F13A1: variants seen among roughly 807,000 people sequenced by gnomAD.
F13A1 encodes FSF, A subunit.
F13A1 carries 47 observed loss-of-function variants against 80.1 expected under a neutral mutation model. The ratio of observed to expected loss-of-function variants is 0.59; its 90% confidence interval spans 0.46 to 0.75. The LOEUF is 0.75. Ranked by LOEUF, F13A1 falls within the 30% of genes least tolerant of loss-of-function variation. F13A1 has a pLI of 0.00. For missense variants in F13A1, 817 were observed against 930.4 expected, an observed-to-expected ratio of 0.88 and a Z score of 1.59; for synonymous variants, 349 against 344.9, an observed-to-expected ratio of 1.01 and a Z score of -0.13.
chr6:6,156,382 A>G lies in F13A1; in HGVS notation c.1909-4433T>C, dbSNP rs141887597. On this transcript the variant is annotated intron_variant, in intron 13 of 14. Transcript: ENST00000264870. ...AATCACAAGATATCTTCCACTAAGC[A>G]TATGCTTTAAAAATACATAACTGTA... Among the ~76,000 whole-genome samples the G allele has an allele frequency of 3.2e-3, 491 of 152,340 alleles. 5 individuals carry two copies. Among genetic ancestry groups the G allele is most frequent in the African/African-American group, 0.011 (463 of 41,584 alleles).
At chr6:6,267,071 G>A (rs3024358) in intron 3 of F13A1, among the ~76,000 whole-genome samples, 1 of 152,046 alleles carries the variant, frequency 6.6e-6, no homozygotes, top group Admixed American at 6.5e-5. Context: ...GTGCTCCATT[G>A]TAACCTCCCT....
intron 4 of F13A1, among the ~76,000 whole-genome samples, chr6:6,251,983 G>T (rs1757639026): frequency 6.6e-6 from 1 of 151,994 alleles, no homozygotes. Context: ...AAAAAAAAAT[G>T]CCACTTGGAG....
At chr6:6,234,385 G>T (rs1432419905) in intron 6 of F13A1, among the ~76,000 whole-genome samples, 1 of 151,856 alleles carries the variant, frequency 6.6e-6, no homozygotes, top group Non-Finnish European at 1.5e-5. Context: ...CAGGGAATAT[G>T]GTACCTATCA....
At chr6:6,170,296 T>G (rs1051660511) in intron 12 of F13A1, among the ~76,000 whole-genome samples, 7 of 152,238 alleles carry the variant, frequency 4.6e-5, no homozygotes, top group African/African-American at 1.7e-4. Context: ...CAGAGGCTCT[T>G]GCTACCTTTA....
intron 8 of F13A1, among the ~76,000 whole-genome samples, chr6:6,198,201 C>T (rs1026287823): frequency 6.6e-6 from 1 of 152,110 alleles, no homozygotes; most frequent in South Asian, 2.1e-4. Flanking sequence ...CTCTCTTTAC[C>T]CTTTATTAAA....
chr6:6,231,598 A>G (rs1193721493), intron 6 of F13A1, among the ~76,000 whole-genome samples: 3 of 152,250 alleles, frequency 2.0e-5, no homozygotes, highest in African/African-American at 7.2e-5. Flanking sequence ...TTCATTGCAG[A>G]AAGATCTTTG....
chr6:6,202,050 A>G (rs1761404802), intron 8 of F13A1, among the ~76,000 whole-genome samples: 1 of 151,764 alleles, frequency 6.6e-6, no homozygotes. Flanking sequence ...TTGCAGGATA[A>G]TTAAGTTAAT....
chr6:6,319,297 G>A (rs1758734852), intron 1 of F13A1, among the ~76,000 whole-genome samples: 1 of 152,198 alleles, frequency 6.6e-6, no homozygotes, highest in African/African-American at 2.4e-5. Context: ...AGCCCAAGAA[G>A]AGCCATAAGT....
intron 6 of F13A1, among the ~76,000 whole-genome samples, chr6:6,227,972 T>C (rs1268139814): frequency 1.3e-5 from 2 of 152,206 alleles, no homozygotes; most frequent in Non-Finnish European, 2.9e-5. Context: ...GGTAAGTTTT[T>C]AGTGACAGAT....
chr6:6,151,707 A>C, intron 14 of F13A1, 106 bp downstream of exon 14: 1 of 1,524,130 alleles, frequency 6.6e-7, no homozygotes, highest in Non-Finnish European at 9.1e-7. Flanking sequence ...GGCAGCTTCC[A>C]AGACATTTTC....
intron 4 of F13A1, among the ~76,000 whole-genome samples, chr6:6,252,794 C>G (rs1296674158): frequency 1.3e-5 from 2 of 152,084 alleles, no homozygotes; most frequent in Non-Finnish European, 2.9e-5. Context: ...TGAACCCAAC[C>G]AAACTTCTAC....
intron 8 of F13A1, among the ~76,000 whole-genome samples, chr6:6,210,974 T>C (rs548387122): frequency 5.0e-4 from 76 of 151,770 alleles, no homozygotes; most frequent in South Asian, 8.4e-4. Context: ...CAAGTGATCC[T>C]CCTGCATCGG....
intron 10 of F13A1, among the ~76,000 whole-genome samples, chr6:6,188,097 A>C (rs1761113947): frequency 1.3e-5 from 2 of 151,498 alleles, no homozygotes; most frequent in South Asian, 4.2e-4. Context: ...TATTGTGTCT[A>C]TTTGATTCTT....
intron 13 of F13A1, among the ~76,000 whole-genome samples, chr6:6,155,776 G>A (rs138998443): frequency 6.6e-5 from 10 of 152,232 alleles, no homozygotes; most frequent in African/African-American, 2.4e-4. Flanking sequence ...CCATGCTATG[G>A]TACCTACAAA....
intron 8 of F13A1, among the ~76,000 whole-genome samples, chr6:6,219,449 C>T (rs1000506870): frequency 3.3e-5 from 5 of 152,156 alleles, no homozygotes; most frequent in African/African-American, 7.2e-5. Flanking sequence ...ACCTGGATGA[C>T]CTGATTTAAT....
intron 6 of F13A1, among the ~76,000 whole-genome samples, chr6:6,240,047 G>A (rs772163882): frequency 2.0e-5 from 3 of 152,078 alleles, no homozygotes; most frequent in Non-Finnish European, 4.4e-5. Flanking sequence ...AGCACCAACC[G>A]CTCAGCTTGG....
At chr6:6,211,913 T>TGACA (rs1372250835) in intron 8 of F13A1, among the ~76,000 whole-genome samples, 1 of 151,906 alleles carries the variant, frequency 6.6e-6, no homozygotes, top group African/African-American at 2.4e-5. Context: ...AAGAAAGGGG[T>TGACA]GACAGACAGC....
chr6:6,213,218 A>T (rs1414855204), intron 8 of F13A1, among the ~76,000 whole-genome samples: 1 of 151,994 alleles, frequency 6.6e-6, no homozygotes. Flanking sequence ...ACTCCAAGAC[A>T]CATAATTGTC....
intron 8 of F13A1, among the ~76,000 whole-genome samples, chr6:6,220,686 G>C (rs1757180239): frequency 6.6e-6 from 1 of 152,074 alleles, no homozygotes; most frequent in Admixed American, 6.6e-5. Flanking sequence ...ATTTTGGTCT[G>C]TTTTGTCATC....
Sources: allele counts gnomAD v4.1 joint callset (sites outside exome capture counted in the v4.1 genomes callset), GRCh38; gene constraint gnomAD v4.1.1; transcripts MANE v1.5; gene names NCBI Gene and HGNC (gene_info 2026-07-23, HGNC 2026-07-21).